SWT1: variants seen among roughly 807,000 people sequenced by gnomAD.
SWT1 encodes the protein transcriptional protein SWT1.
In SWT1, 33 loss-of-function variants were observed where a neutral mutation model predicts 107.3. The observed-to-expected ratio is 0.31, with a 90% CI of 0.23 to 0.41. The LOEUF (loss-of-function observed/expected upper bound fraction) is 0.41. Among genes scored for constraint, SWT1 ranks in the 10% least tolerant of loss-of-function variants. The pLI is 1.00. For missense variants in SWT1, 898 were observed against 1,028.9 expected (o/e 0.87, Z 1.74); for synonymous variants, 345 against 348.3 (o/e 0.99, Z 0.11).
At chr1:185,244,011 G>A (rs1465326673) in intron 16 of SWT1, among the ~76,000 whole-genome samples, 1 of 151,854 alleles carries the variant, frequency 6.6e-6, no homozygotes, top group Non-Finnish European at 1.5e-5. Flanking sequence ...CTTCTTTCAT[G>A]GACTTTCATC....
At chr1:185,170,797 C>T (rs12076847) in intron 4 of SWT1, among the ~76,000 whole-genome samples, 2,093 of 152,052 alleles carry the variant, frequency 0.014, 47 homozygotes, top group African/African-American at 0.048. Flanking sequence ...TTCTATAGGA[C>T]TATAGGAAGA....
intron 4 of SWT1, 146 bp from the exon 5 acceptor site, chr1:185,174,226 A>G (rs1655342555): frequency 1.8e-6 from 1 of 566,306 alleles, no homozygotes. Flanking sequence ...TTAAGTGAGT[A>G]ATCCTTTCCA....
intron 4 of SWT1, among the ~76,000 whole-genome samples, chr1:185,171,160 GA>G (rs34770523): frequency 0.38 from 55,218 of 147,132 alleles, 10,120 homozygotes; most frequent in African/African-American, 0.41. Context: ...TTTCAAACAG[GA>G]AAAAAAAAAA....
chr1:185,203,043 G>A (rs1301422332), intron 11 of SWT1, among the ~76,000 whole-genome samples: 3 of 152,024 alleles, frequency 2.0e-5, no homozygotes, highest in South Asian at 2.1e-4. Context: ...TTGTCTGCAC[G>A]CTTACATACA....
intron 16 of SWT1, among the ~76,000 whole-genome samples, chr1:185,240,504 G>GT (rs919743114): frequency 1.4e-4 from 22 of 151,888 alleles, no homozygotes; most frequent in South Asian, 2.1e-4. Flanking sequence ...ATATAGCTTA[G>GT]TTTTTTTTCT....
chr1:185,161,801 A>C (rs1004686844), intron 2 of SWT1, among the ~76,000 whole-genome samples: 1 of 152,224 alleles, frequency 6.6e-6, no homozygotes, highest in African/African-American at 2.4e-5. Flanking sequence ...CAAAACAAAC[A>C]AAAAAACCAT....
Position 185,166,567 on chromosome 1 carries a change from C to G in SWT1, c.85-5C>G. On this transcript the variant is annotated splice_region_variant and splice_polypyrimidine_tract_variant and intron_variant, in intron 2 of 18. Transcript: ENST00000367500. ...TAAAATTCATTTTCTTTATTGCATT[C>G]TTAGGACAAGAAAGAGAGAAAAACC... is the stretch of plus-strand genomic sequence containing the variant. 6.4e-7 allele frequency: 1 copy of G among 1,573,396 alleles called. No individual in the cohort carries two copies. The highest frequency in any genetic ancestry group is 8.7e-7 in the Non-Finnish European group (1 of 1,150,018).
intron 16 of SWT1, among the ~76,000 whole-genome samples, chr1:185,242,037 A>G (rs1222748323): frequency 6.6e-6 from 1 of 152,140 alleles, no homozygotes; most frequent in Non-Finnish European, 1.5e-5. Flanking sequence ...TACTCTCTAG[A>G]TCAACTATGT....
At chr1:185,255,746 T>A (rs1235572229) in intron 16 of SWT1, among the ~76,000 whole-genome samples, 6 of 149,030 alleles carry the variant, frequency 4.0e-5, no homozygotes, top group African/African-American at 1.5e-4. Flanking sequence ...TTTGCCAGTC[T>A]GTGTCTTTTA....
Position 185,276,634 on chromosome 1 carries a change from G to T in SWT1, c.2539G>T (p.Glu847Ter). Residue 847 changes from glutamate (E) to a stop codon, truncating the protein, a stop_gained, in exon 18 of 19, where the codon GAA becomes TAA. Coordinates refer to ENST00000367500, the MANE Select transcript of SWT1 (RefSeq NM_017673.7). LOFTEE classifies it high-confidence loss of function. ...TAAAAATGTCAAATTTACTGCCCAGGAAATTTATGATTGTGTTTCTCAGAC... is the reference window on the plus strand; with the variant it reads ...TAAAAATGTCAAATTTACTGCCCAGTAAATTTATGATTGTGTTTCTCAGAC... ...VNKNVKFTAQ[E>*]IYDCVSQTEY... is the part of the protein sequence containing the mutation. The T allele has an allele frequency of 6.3e-7, 1 of 1,583,480 alleles. No individual in the cohort carries two copies. The highest frequency in any genetic ancestry group is 8.6e-7 in the Non-Finnish European group (1 of 1,157,460).
intron 5 of SWT1, among the ~76,000 whole-genome samples, chr1:185,179,911 C>T (rs1655877838): frequency 6.6e-6 from 1 of 152,182 alleles, no homozygotes; most frequent in Non-Finnish European, 1.5e-5. Flanking sequence ...TTGGGGCTGG[C>T]ACTACGGCTC....
chr1:185,166,456 C>T (rs1239282238), intron 2 of SWT1, 116 bp from the exon 3 acceptor site: 11 of 637,438 alleles, frequency 1.7e-5, no homozygotes, highest in Middle Eastern at 3.1e-4. Flanking sequence ...TGTTCCCCAC[C>T]GAAGTTCATT....
chr1:185,158,297 G>A (rs1653814213), intron 1 of SWT1, among the ~76,000 whole-genome samples: 1 of 151,832 alleles, frequency 6.6e-6, no homozygotes, highest in Non-Finnish European at 1.5e-5. Flanking sequence ...CCTCTCCCCA[G>A]TTTAATGGGA....
intron 15 of SWT1, among the ~76,000 whole-genome samples, chr1:185,229,970 T>C (rs1326588095): frequency 2.0e-5 from 3 of 152,164 alleles, no homozygotes; most frequent in African/African-American, 4.8e-5. Context: ...GGATTCAGTT[T>C]CCTTTTTGGG....
At chr1:185,283,550 TTTTG>T (rs3835511) in intron 18 of SWT1, among the ~76,000 whole-genome samples, 16,420 of 152,060 alleles carry the variant, frequency 0.11, 1,144 homozygotes, top group Non-Finnish European at 0.16. Flanking sequence ...TATGTAAGGT[TTTTG>T]TTTGTTTGTT....
intron 15 of SWT1, among the ~76,000 whole-genome samples, chr1:185,231,035 C>T (rs758207522): frequency 2.4e-4 from 36 of 152,232 alleles, no homozygotes; most frequent in African/African-American, 1.4e-4. Flanking sequence ...ATGGGTGAGC[C>T]GTCTCGCCCA....
chr1:185,269,965 C>G (rs1337470530), intron 16 of SWT1, among the ~76,000 whole-genome samples: 2 of 152,076 alleles, frequency 1.3e-5, no homozygotes, highest in African/African-American at 2.4e-5. Flanking sequence ...GGTGTATCCC[C>G]ATTATAAGTC....
At chr1:185,242,886 G>A (rs1283303396) in intron 16 of SWT1, among the ~76,000 whole-genome samples, 2 of 152,152 alleles carry the variant, frequency 1.3e-5, no homozygotes, top group East Asian at 1.9e-4. Context: ...GACCTAATAA[G>A]TCAGTGATGT....
intron 18 of SWT1, among the ~76,000 whole-genome samples, chr1:185,282,430 C>T (rs926503598): frequency 5.9e-5 from 9 of 151,618 alleles, no homozygotes; most frequent in African/African-American, 2.2e-4. Context: ...GGTTGCTGGA[C>T]CCATGTAGCT....
Sources: gnomAD v4.1 joint callset for allele counts (sites outside exome capture counted in the v4.1 genomes callset) on GRCh38, gnomAD v4.1.1 for gene constraint, MANE v1.5 for transcripts, NCBI Gene and HGNC (gene_info 2026-07-23, HGNC 2026-07-21) for gene names.